The following ATP8A1 variants were observed in gnomAD, a reference collection of about 807,000 sequenced individuals.
ATP8A1 encodes phospholipid-transporting ATPase IA.
Under a neutral mutation model 177.7 loss-of-function variants are expected in ATP8A1, and 90 were observed. The observed-to-expected ratio is 0.51, with a 90% confidence interval of 0.43 to 0.60. The LOEUF is 0.60. Among genes scored for constraint, ATP8A1 ranks in the 20% least tolerant of loss-of-function variants. ATP8A1 has a pLI of 0.00. For synonymous variants in ATP8A1, 493 were observed against 485.9 expected (o/e 1.01, Z -0.19); for missense variants, 1,072 against 1,392.8 (o/e 0.77, Z 3.67).
At chr4:42,489,024 GAGAGAGAGTA>G (rs1310258118) in intron 24 of ATP8A1, among the ~76,000 whole-genome samples, 5 of 152,080 alleles carry the variant, frequency 3.3e-5, no homozygotes, top group African/African-American at 4.8e-5. Flanking sequence ...ATTAGAGAAA[GAGAGAGAGTA>G]AGAGAGAGAC....
intron 18 of ATP8A1, 106 bp from the exon 19 acceptor site, chr4:42,549,168 C>T (rs4299623): frequency 1.3e-4 from 109 of 837,406 alleles, no homozygotes; most frequent in Admixed American, 5.5e-4. Context: ...CCAACACAAA[C>T]AAATTTTCCC....
chr4:42,506,909 T>C lies in ATP8A1; in HGVS notation c.2086+107A>G, dbSNP rs566544758. The C allele has an allele frequency of 3.0e-5, 39 of 1,318,778 alleles. No homozygotes were observed. In the African/African-American group the frequency reaches 3.8e-4, roughly 13 times the overall value. 81.7% of individuals were successfully genotyped at this position (1,318,778 alleles called of 1,614,324 possible). A position where few individuals can be genotyped will look rare whatever the true frequency, so the allele number is the denominator to read the frequency against. On this transcript the variant is annotated intron_variant, in intron 23 of 36. Coordinates refer to ENST00000381668, the MANE Select transcript of ATP8A1 (RefSeq NM_006095.2). ...GAAAAAAGATTGGAATATTCCAATC[T>C]TGACATATCAAATCTTTTAGATCTT...
chr4:42,543,138 A>G (rs1728575372), intron 20 of ATP8A1, among the ~76,000 whole-genome samples: 1 of 152,210 alleles, frequency 6.6e-6, no homozygotes, highest in Non-Finnish European at 1.5e-5. Flanking sequence ...ATTGCATTTC[A>G]TTGTCTTTAA....
At chr4:42,515,243 C>T (rs150215416) in intron 22 of ATP8A1, among the ~76,000 whole-genome samples, 122 of 152,262 alleles carry the variant, frequency 8.0e-4, no homozygotes, top group Middle Eastern at 3.4e-3. Flanking sequence ...TTTTAAACCA[C>T]GAAATCACCC....
At chr4:42,623,685 A>C (rs939362005) in intron 4 of ATP8A1, among the ~76,000 whole-genome samples, 4 of 152,062 alleles carry the variant, frequency 2.6e-5, no homozygotes, top group Non-Finnish European at 5.9e-5. Flanking sequence ...CCACATACTG[A>C]GGCGCATTGG....
At position 42,647,722 on chromosome 4, in the gene ATP8A1, A is replaced by G. The variant is rs78123756; in HGVS notation, c.49+9103T>C. On this transcript the variant is annotated intron_variant, in intron 1 of 36. Transcript: ENST00000381668. ...AAATGCTGATTTGTAAGTAGATTCC[A>G]TGGAACCATTAGCTAAATCTAGTTG... Among the ~76,000 whole-genome samples, 97 of 152,180 alleles carry G rather than the reference A, an allele frequency of 6.4e-4. 1 individual carries two copies. In the East Asian group the frequency reaches 0.015, roughly 23 times the overall value.
chr4:42,504,001 T>A (rs972156058), intron 23 of ATP8A1, among the ~76,000 whole-genome samples: 1 of 152,200 alleles, frequency 6.6e-6, no homozygotes, highest in African/African-American at 2.4e-5. Context: ...TTGCACTTAC[T>A]GCAGGGCAAA....
At chr4:42,524,185 CAGG>C (rs1726440120) in intron 21 of ATP8A1, among the ~76,000 whole-genome samples, 1 of 152,170 alleles carries the variant, frequency 6.6e-6, no homozygotes, top group East Asian at 1.9e-4. Context: ...TAATATATTT[CAGG>C]AGGACAGAGA....
At chr4:42,609,854 G>A (rs1219470969) in intron 5 of ATP8A1, among the ~76,000 whole-genome samples, 1 of 152,088 alleles carries the variant, frequency 6.6e-6, no homozygotes, top group African/African-American at 2.4e-5. Flanking sequence ...ATACTTTTCA[G>A]AATTCCATCC....
chr4:42,425,563 A>AG (rs562549910), intron 33 of ATP8A1, among the ~76,000 whole-genome samples: 27 of 151,758 alleles, frequency 1.8e-4, no homozygotes, highest in South Asian at 8.3e-4. Context: ...TTGGATGAAG[A>AG]GGGGGGGAAA....
intron 24 of ATP8A1, among the ~76,000 whole-genome samples, chr4:42,495,778 A>T (rs1202046353): frequency 6.6e-6 from 1 of 152,204 alleles, no homozygotes; most frequent in Non-Finnish European, 1.5e-5. Flanking sequence ...GTCATTAAAA[A>T]CACATGGTCA....
intron 24 of ATP8A1, among the ~76,000 whole-genome samples, 199 bp downstream of exon 24, chr4:42,503,251 T>C (rs1724029280): frequency 6.6e-6 from 1 of 152,222 alleles, no homozygotes; most frequent in Non-Finnish European, 1.5e-5. Flanking sequence ...CAATTTCTTT[T>C]AGCTGTCACA....
At position 42,557,352 on chromosome 4, in the gene ATP8A1, G is replaced by T. The variant is rs947140752; in HGVS notation, c.1341-1312C>A. 2.0e-5 allele frequency among the ~76,000 whole-genome samples: 3 copies of T among 152,186 alleles called. No individual in the cohort carries two copies. The South Asian group carries it at 6.2e-4, about 32-fold the overall frequency. ...TCCAAATATCACCATTAATTAAAAA[G>T]AGTTCATTACTTGGGGCTTTATGAA... On this transcript the variant is annotated intron_variant, in intron 15 of 36. Coordinates refer to ENST00000381668, the MANE Select transcript of ATP8A1 (RefSeq NM_006095.2).
intron 15 of ATP8A1, among the ~76,000 whole-genome samples, chr4:42,558,657 G>A (rs1298061049): frequency 6.6e-6 from 1 of 151,886 alleles, no homozygotes; most frequent in Non-Finnish European, 1.5e-5. Flanking sequence ...GTCAACAGGA[G>A]AGCCATCAGA....
At chr4:42,628,811 G>C (rs1560537165) in intron 1 of ATP8A1, among the ~76,000 whole-genome samples, 1 of 152,184 alleles carries the variant, frequency 6.6e-6, no homozygotes, top group Non-Finnish European at 1.5e-5. Context: ...CTCTGGATTA[G>C]AGAGAGAGCC....
chr4:42,443,470 C>A, intron 33 of ATP8A1, 95 bp downstream of exon 33: 1 of 606,466 alleles, frequency 1.6e-6, no homozygotes, highest in East Asian at 2.9e-5. Context: ...TAATATAAAT[C>A]AACAAGATGG....
At chr4:42,583,830 CAA>C (rs1733348350) in intron 9 of ATP8A1, among the ~76,000 whole-genome samples, 1 of 152,214 alleles carries the variant, frequency 6.6e-6, no homozygotes, top group South Asian at 2.1e-4. Context: ...CACCATCATA[CAA>C]AGTTTCTCCT....
chr4:42,459,879 C>T (rs550469649), intron 27 of ATP8A1, among the ~76,000 whole-genome samples: 51 of 152,172 alleles, frequency 3.4e-4, no homozygotes, highest in Non-Finnish European at 6.5e-4. Flanking sequence ...GCAAGCTCCA[C>T]CTCCCGGGTT....
chr4:42,471,947 C>T, intron 25 of ATP8A1: 1 of 679,204 alleles, frequency 1.5e-6, no homozygotes, highest in Non-Finnish European at 2.8e-6. Context: ...CTGAGTATTA[C>T]AGCAGCCAAA....
Sources: gnomAD v4.1 joint callset for allele counts (sites outside exome capture counted in the v4.1 genomes callset) on GRCh38, gnomAD v4.1.1 for gene constraint, MANE v1.5 for transcripts, NCBI Gene and HGNC (gene_info 2026-07-23, HGNC 2026-07-21) for gene names.